The following TCP11L2 variants were observed in gnomAD, a reference collection of about 807,000 sequenced individuals.
The protein encoded by TCP11L2 is t-complex 11 like 2.
Under a neutral mutation model 50.7 loss-of-function variants are expected in TCP11L2, and 39 were observed. The observed-to-expected ratio is 0.77, with a 90% CI of 0.60 to 1.01. The LOEUF (loss-of-function observed/expected upper bound fraction) is 1.01. TCP11L2 is among the 50% of genes least tolerant of loss of function. The probability of loss-of-function intolerance (pLI) is 0.00; values close to 1 mark genes in which losing one functional copy is unlikely to be tolerated. For missense variants in TCP11L2, 612 were observed against 614.7 expected, an observed-to-expected ratio of 1.00 and a Z score of 0.05; for synonymous variants, 192 against 219.3, an observed-to-expected ratio of 0.88 and a Z score of 1.10.
At chr12:106,318,950 G>A (rs1428799823) in intron 4 of TCP11L2, among the ~76,000 whole-genome samples, 2 of 150,946 alleles carry the variant, frequency 1.3e-5, no homozygotes, top group East Asian at 3.9e-4. Context: ...TGTCGCCCAG[G>A]CCGGACTGCG....
chr12:106,312,276 T>C (rs2034888688), intron 2 of TCP11L2: 2 of 344,032 alleles, frequency 5.8e-6, no homozygotes, highest in South Asian at 2.2e-5. Context: ...TTTTTTTTTT[T>C]TTGCTGTTAT....
intron 4 of TCP11L2, among the ~76,000 whole-genome samples, chr12:106,320,306 G>A (rs545239891): frequency 9.9e-4 from 151 of 152,162 alleles, no homozygotes; most frequent in Non-Finnish European, 1.8e-3. Flanking sequence ...GCTGGGGCAG[G>A]AGAATCTCTT....
intron 7 of TCP11L2, 75 bp from the exon 8 acceptor site, chr12:106,335,957 A>G (rs905679988): frequency 2.5e-5 from 38 of 1,497,858 alleles, no homozygotes; most frequent in African/African-American, 4.3e-5. Context: ...GAATTTGGAA[A>G]TGACATTGCC....
chr12:106,319,012 C>T (rs1277357359), intron 4 of TCP11L2, among the ~76,000 whole-genome samples: 7 of 151,898 alleles, frequency 4.6e-5, no homozygotes, highest in East Asian at 1.9e-4. Flanking sequence ...CCCGGGTTCA[C>T]GCCATTCTCC....
chr12:106,312,261 T>TTTTTTTTTTTTTTTTTTTTTTTTTA (rs2034887965), intron 2 of TCP11L2: 1 of 123,052 alleles, frequency 8.1e-6, no homozygotes, highest in Non-Finnish European at 1.5e-5. Context: ...GTTTCCATTT[T>TTTTTTTTTTTTTTTTTTTTTTTTTA]TTTTTTTTTT....
Position 106,329,776 on chromosome 12 carries a change from G to A in TCP11L2, c.773-5863G>A, listed in dbSNP as rs369545725. ...ACTGCCACATTGTAATTATATTCAC[G>A]ATGATTTCCACTCGCGCTCTCTCAG... On this transcript the variant is annotated intron_variant, in intron 6 of 9. Coordinates refer to ENST00000299045, the MANE Select transcript of TCP11L2 (RefSeq NM_152772.3). The A allele has an allele frequency of 5.3e-5, 53 of 995,288 alleles. No homozygotes were observed. In the Middle Eastern group the frequency reaches 1.5e-3, roughly 29 times the overall value. The allele number at this position is 995,288 out of a possible 1,614,324, so 61.7% of individuals were successfully genotyped here.
At chr12:106,329,547 C>T (rs933323998) in intron 6 of TCP11L2, 2 of 1,430,630 alleles carry the variant, frequency 1.4e-6, no homozygotes. Flanking sequence ...GAGGCCTGAG[C>T]CCTGCCTCAG....
At chr12:106,310,967 A>G in intron 1 of TCP11L2, 74 bp from the exon 2 acceptor site, 1 of 1,331,356 alleles carries the variant, frequency 7.5e-7, no homozygotes, top group Non-Finnish European at 1.0e-6. Context: ...ACAGTTGTCT[A>G]CACTGGAAGA....
intron 6 of TCP11L2, chr12:106,324,855 T>C (rs2035482542): frequency 6.6e-6 from 1 of 152,144 alleles, no homozygotes; most frequent in African/African-American, 2.4e-5. Flanking sequence ...GAAAGAAGGT[T>C]GGGAGATGAC....
chr12:106,302,320 C>CAGCCGCCGCTCAG (rs199615546), upstream of TCP11L2, among the ~76,000 whole-genome samples: 2 of 40,074 alleles, frequency 5.0e-5, no homozygotes, highest in Admixed American at 2.2e-4. Flanking sequence ...AGCCCCCGCT[C>CAGCCGCCGCTCAG]CCCCCGCTCA....
chr12:106,326,687 C>T (rs934733373), intron 6 of TCP11L2, among the ~76,000 whole-genome samples: 1 of 152,090 alleles, frequency 6.6e-6, no homozygotes, highest in African/African-American at 2.4e-5. Context: ...AGGGGTAGAG[C>T]CTGGGTAACC....
intron 9 of TCP11L2, among the ~76,000 whole-genome samples, chr12:106,343,114 G>C (rs1228562852): frequency 6.6e-6 from 1 of 152,186 alleles, no homozygotes; most frequent in Admixed American, 6.5e-5. Context: ...ACACGCCTTT[G>C]GCAGGGACTC....
intron 1 of TCP11L2, among the ~76,000 whole-genome samples, chr12:106,310,767 A>C (rs2136629324): frequency 6.6e-6 from 1 of 152,374 alleles, no homozygotes; most frequent in Admixed American, 6.5e-5. Context: ...CTTTTTAAAA[A>C]GGACCTGCCA....
chr12:106,341,207 C>T (rs963042814), intron 9 of TCP11L2, among the ~76,000 whole-genome samples: 1 of 152,104 alleles, frequency 6.6e-6, no homozygotes, highest in African/African-American at 2.4e-5. Context: ...TGTTTCAGGG[C>T]CTATTATCTA....
intron 1 of TCP11L2, among the ~76,000 whole-genome samples, chr12:106,306,259 C>T (rs2034630019): frequency 6.6e-6 from 1 of 152,226 alleles, no homozygotes; most frequent in African/African-American, 2.4e-5. Context: ...TACTTTCAAA[C>T]TTACAGATAA....
Position 106,346,285 on chromosome 12 carries a change from G to A in TCP11L2, c.1316-1G>A. 6.3e-7 allele frequency: 1 copy of A among 1,593,268 alleles called. No individual in the cohort carries two copies. The highest frequency in any genetic ancestry group is 8.5e-7 in the Non-Finnish European group (1 of 1,169,958). ...TAAAAGTATCTTTTTTTCCCCTTCA[G>A]ATAAACGAATTAAGCTTTACATGAG... On this transcript the variant is annotated splice_acceptor_variant, in intron 9 of 9. Coordinates refer to ENST00000299045, the MANE Select transcript of TCP11L2 (RefSeq NM_152772.3). LOFTEE classifies it high-confidence loss of function.
intron 1 of TCP11L2, among the ~76,000 whole-genome samples, chr12:106,309,014 G>A (rs564270124): frequency 1.4e-4 from 22 of 152,324 alleles, no homozygotes; most frequent in East Asian, 1.9e-4. Flanking sequence ...TACAGGAGAC[G>A]CGCTGCAGAC....
chr12:106,304,545 A>G (rs939996030), intron 1 of TCP11L2, among the ~76,000 whole-genome samples: 6 of 152,356 alleles, frequency 3.9e-5, no homozygotes, highest in Non-Finnish European at 7.3e-5. Context: ...GAAATTTTTC[A>G]CATCATCTGC....
Position 106,346,543 on chromosome 12 carries a change from A to C in TCP11L2, c.*13A>C, listed in dbSNP as rs1408252845. The stretch of plus-strand genomic sequence containing the variant: ...TCCTACTAACTAAAGAAGAACTGAC[A>C]TTGGACGAGAGATTGGAAATCCAGT... On this transcript the variant is annotated 3_prime_UTR_variant, in exon 10 of 10. Transcript: ENST00000299045. 6.2e-7 allele frequency: 1 copy of C among 1,604,630 alleles called. No individual in the cohort carries two copies.
Sources: gnomAD v4.1 joint callset for allele counts (sites outside exome capture counted in the v4.1 genomes callset) on GRCh38, gnomAD v4.1.1 for gene constraint, MANE v1.5 for transcripts, NCBI Gene and HGNC (gene_info 2026-07-23, HGNC 2026-07-21) for gene names.